PTPRN2: variants seen among roughly 807,000 people sequenced by gnomAD.
PTPRN2 encodes the protein receptor-type tyrosine-protein phosphatase N2.
A neutral mutation model predicts 118.8 loss-of-function variants in PTPRN2; 74 were observed. The observed-to-expected ratio is 0.62, with a 90% confidence interval of 0.52 to 0.76. The LOEUF (loss-of-function observed/expected upper bound fraction) is 0.76, where lower values mean the gene tolerates loss of function less well. Among genes scored for constraint, PTPRN2 ranks in the 30% least tolerant of loss-of-function variants. The pLI is 0.00. For synonymous variants in PTPRN2, 641 were observed against 608.0 expected (o/e 1.05, Z -0.80); for missense variants, 1,481 against 1,394.4 (o/e 1.06, Z -0.99).
chr7:158,195,919 C>G (rs562335144), intron 4 of PTPRN2, among the ~76,000 whole-genome samples: 6 of 152,154 alleles, frequency 3.9e-5, no homozygotes, highest in Non-Finnish European at 7.3e-5. Flanking sequence ...TACCTTTGCT[C>G]TGGCATTCAG....
chr7:158,547,419 C>G (rs147373750), intron 1 of PTPRN2, among the ~76,000 whole-genome samples: 1 of 152,138 alleles, frequency 6.6e-6, no homozygotes, highest in Admixed American at 6.5e-5. Context: ...AACACCAATC[C>G]TACTTTCTGT....
intron 1 of PTPRN2, among the ~76,000 whole-genome samples, chr7:158,494,791 G>T (rs1328640290): frequency 6.6e-6 from 1 of 152,172 alleles, no homozygotes; most frequent in African/African-American, 2.4e-5. Flanking sequence ...CCTGAACTGG[G>T]ACAGCCCCTG....
At chr7:157,678,519 G>A (rs1301278156) in intron 13 of PTPRN2, among the ~76,000 whole-genome samples, 1 of 152,182 alleles carries the variant, frequency 6.6e-6, no homozygotes, top group Non-Finnish European at 1.5e-5. Flanking sequence ...AAGTCAGGGT[G>A]CATTTGGGAC....
At chr7:157,544,929 TG>T (rs1798208202) in intron 22 of PTPRN2, among the ~76,000 whole-genome samples, 1 of 137,774 alleles carries the variant, frequency 7.3e-6, no homozygotes, top group Non-Finnish European at 1.6e-5. Context: ...CAGGTGTGCA[TG>T]GGTGTGTACA....
intron 1 of PTPRN2, among the ~76,000 whole-genome samples, chr7:158,511,524 A>C (rs1823178430): frequency 6.6e-6 from 1 of 152,234 alleles, no homozygotes; most frequent in Admixed American, 6.5e-5. Flanking sequence ...GGCCATCCAC[A>C]CAGGCTGGTG....
chr7:157,754,209 C>A (rs1801651065), intron 12 of PTPRN2, among the ~76,000 whole-genome samples: 1 of 152,232 alleles, frequency 6.6e-6, no homozygotes, highest in African/African-American at 2.4e-5. Flanking sequence ...CTGGGAGAAG[C>A]AAACTCAGGC....
chr7:158,471,982 CG>C (rs1819893092), intron 2 of PTPRN2, among the ~76,000 whole-genome samples: 1 of 151,794 alleles, frequency 6.6e-6, no homozygotes, highest in South Asian at 2.1e-4. Flanking sequence ...GGCCCCGCCA[CG>C]GTTCCGGCCC....
In PTPRN2 at chr7:158,055,209, A is replaced by G. The variant is rs185600436; in HGVS notation, c.1723+26089T>C. Reference sequence around the variant, plus strand: ...TAACCTAGGAAAAACCAGGCCATACAGAGATAGTAGCTGAGGGGACACAGT... The same window carrying G: ...TAACCTAGGAAAAACCAGGCCATACGGAGATAGTAGCTGAGGGGACACAGT... On this transcript the variant is annotated intron_variant, in intron 11 of 22. Coordinates refer to ENST00000389418, the MANE Select transcript of PTPRN2 (RefSeq NM_002847.5). Among the ~76,000 whole-genome samples the G allele has an allele frequency of 7.6e-3, 1,160 of 152,328 alleles. 7 individuals carry two copies. Among genetic ancestry groups the G allele is most frequent in the Middle Eastern group, 0.024 (7 of 294 alleles).
intron 2 of PTPRN2, among the ~76,000 whole-genome samples, chr7:158,480,402 G>A (rs28556676): frequency 2.0e-5 from 3 of 152,004 alleles, no homozygotes; most frequent in Admixed American, 1.3e-4. Context: ...CTCCCATCTC[G>A]CTCCCTCTCC....
At chr7:158,085,606 C>A (rs1429237253) in intron 10 of PTPRN2, among the ~76,000 whole-genome samples, 3 of 121,286 alleles carry the variant, frequency 2.5e-5, no homozygotes, top group African/African-American at 6.5e-5. Context: ...CCATCCACAC[C>A]CACGACGCCC....
intron 12 of PTPRN2, among the ~76,000 whole-genome samples, chr7:157,750,017 C>T (rs1463421494): frequency 2.6e-5 from 4 of 151,384 alleles, no homozygotes; most frequent in African/African-American, 9.7e-5. Flanking sequence ...GTAGACTGTT[C>T]GGGTGACTCT....
intron 11 of PTPRN2, among the ~76,000 whole-genome samples, chr7:158,063,944 TGAGACACACTCAGTGA>T (rs1810560628): frequency 6.6e-6 from 1 of 152,168 alleles, no homozygotes; most frequent in Non-Finnish European, 1.5e-5. Flanking sequence ...GCTCAGAAAG[TGAGACACACTCAGTGA>T]GAGACACACA....
chr7:158,096,608 A>G (rs1309356053), intron 10 of PTPRN2, among the ~76,000 whole-genome samples: 2 of 152,240 alleles, frequency 1.3e-5, no homozygotes, highest in Non-Finnish European at 1.5e-5. Context: ...CCTTATTTCC[A>G]GGAAAACCTC....
intron 9 of PTPRN2, among the ~76,000 whole-genome samples, chr7:158,119,664 A>C (rs1816996066): frequency 6.6e-6 from 1 of 152,140 alleles, no homozygotes. Flanking sequence ...CTATTACAGT[A>C]AATTGTTATA....
intron 2 of PTPRN2, among the ~76,000 whole-genome samples, chr7:158,370,936 G>A (rs542201061): frequency 6.6e-6 from 1 of 152,230 alleles, no homozygotes; most frequent in East Asian, 1.9e-4. Context: ...ACACACAACT[G>A]TTTTTGAATT....
intron 6 of PTPRN2, among the ~76,000 whole-genome samples, chr7:158,155,595 TC>T (rs1821701675): frequency 8.9e-5 from 2 of 22,534 alleles, no homozygotes; most frequent in African/African-American, 3.0e-4. Flanking sequence ...ATCATCACCA[TC>T]ATCATCACCA....
intron 1 of PTPRN2, among the ~76,000 whole-genome samples, chr7:158,494,638 G>A (rs1821697406): frequency 6.6e-6 from 1 of 152,180 alleles, no homozygotes; most frequent in Non-Finnish European, 1.5e-5. Context: ...CTGCTTTGAG[G>A]CTGGAATGAC....
intron 12 of PTPRN2, among the ~76,000 whole-genome samples, chr7:157,686,018 G>A (rs1255751781): frequency 1.3e-5 from 2 of 152,236 alleles, no homozygotes; most frequent in Admixed American, 1.3e-4. Context: ...GACCGCGCGG[G>A]GCCGCGGGAC....
intron 2 of PTPRN2, among the ~76,000 whole-genome samples, chr7:158,470,429 A>C (rs1229284743): frequency 6.6e-6 from 1 of 152,194 alleles, no homozygotes; most frequent in Non-Finnish European, 1.5e-5. Flanking sequence ...TTCTCCTCTA[A>C]GAGCTCAGCT....
Sources: allele counts gnomAD v4.1 joint callset (sites outside exome capture counted in the v4.1 genomes callset), GRCh38; gene constraint gnomAD v4.1.1; transcripts MANE v1.5; gene names NCBI Gene and HGNC (gene_info 2026-07-23, HGNC 2026-07-21).